The following BCKDHB variants were observed in gnomAD, a reference collection of about 807,000 sequenced individuals.
BCKDHB encodes 2-oxoisovalerate dehydrogenase subunit beta, mitochondrial.
BCKDHB carries 41 observed loss-of-function variants against 48.5 expected under a neutral mutation model. The ratio of observed to expected loss-of-function variants is 0.85; its 90% CI spans 0.66 to 1.10. The LOEUF is 1.10. Ranked by LOEUF, BCKDHB falls within the 50% of genes least tolerant of loss-of-function variation. The pLI, the probability that BCKDHB is intolerant of heterozygous loss-of-function variation, is 0.00. For synonymous variants in BCKDHB, 201 were observed against 174.8 expected (o/e 1.15, Z -1.18); for missense variants, 496 against 494.2 (o/e 1.00, Z -0.03).
intron 3 of BCKDHB, among the ~76,000 whole-genome samples, chr6:80,129,579 T>C (rs983922530): frequency 1.3e-5 from 2 of 152,218 alleles, no homozygotes; most frequent in South Asian, 2.1e-4. Context: ...ATTCTGCCTG[T>C]TGGGTCTTTA....
the BCKDHB span, among the ~76,000 whole-genome samples, chr6:80,383,136 A>G: frequency 6.6e-6 from 1 of 152,188 alleles, no homozygotes; most frequent in African/African-American, 2.4e-5. Context: ...ATGTAAAGGC[A>G]AGTTTTAGCC....
At chr6:80,138,274 A>G (rs936836275) in intron 3 of BCKDHB, among the ~76,000 whole-genome samples, 3 of 139,198 alleles carry the variant, frequency 2.2e-5, no homozygotes, top group African/African-American at 7.3e-5. Context: ...ATGTAAAAAC[A>G]TAAAAATAAG....
At chr6:80,378,059 T>C in the BCKDHB span, among the ~76,000 whole-genome samples, 1 of 145,870 alleles carries the variant, frequency 6.9e-6, no homozygotes, top group Non-Finnish European at 1.6e-5. Flanking sequence ...TACTGCAAAA[T>C]TTTTTCTTTT....
chr6:80,111,221 G>T (rs548035336), intron 1 of BCKDHB, among the ~76,000 whole-genome samples: 7 of 152,306 alleles, frequency 4.6e-5, no homozygotes, highest in African/African-American at 1.4e-4. Context: ...AACTGAATTT[G>T]TATTGAAAAG....
chr6:80,346,566 T>C (rs1222722031), downstream of BCKDHB, among the ~76,000 whole-genome samples: 1 of 152,138 alleles, frequency 6.6e-6, no homozygotes, highest in African/African-American at 2.4e-5. Context: ...TCCTACTGCC[T>C]CTCTTCCGTG....
At chr6:80,268,925 T>A (rs1383682909) in intron 8 of BCKDHB, among the ~76,000 whole-genome samples, 7 of 152,156 alleles carry the variant, frequency 4.6e-5, no homozygotes, top group South Asian at 2.1e-4. Context: ...ACATGCTACT[T>A]CATAATTAAA....
At chr6:80,383,950 C>T in the BCKDHB span, among the ~76,000 whole-genome samples, 1 of 151,972 alleles carries the variant, frequency 6.6e-6, no homozygotes, top group South Asian at 2.1e-4. Flanking sequence ...ATTTTATCTG[C>T]CAATACTTTT....
chr6:80,227,050 A>G (rs1775710467), intron 8 of BCKDHB, among the ~76,000 whole-genome samples: 3 of 152,260 alleles, frequency 2.0e-5, no homozygotes, highest in South Asian at 2.1e-4. Flanking sequence ...GGTAAACAAG[A>G]GTTTCTTGAG....
At chr6:80,444,512 A>C in the BCKDHB span, among the ~76,000 whole-genome samples, 1 of 152,210 alleles carries the variant, frequency 6.6e-6, no homozygotes, top group Admixed American at 6.5e-5. Flanking sequence ...AGTCTATTTA[A>C]AATGATTTTA....
the BCKDHB span, among the ~76,000 whole-genome samples, chr6:80,365,671 A>G: frequency 2.6e-5 from 4 of 152,182 alleles, no homozygotes; most frequent in South Asian, 8.3e-4. Context: ...TTTACAATCA[A>G]TTTGTACAGT....
At chr6:80,144,588 A>G (rs1456754449) in intron 3 of BCKDHB, among the ~76,000 whole-genome samples, 1 of 152,114 alleles carries the variant, frequency 6.6e-6, no homozygotes, top group African/African-American at 2.4e-5. Flanking sequence ...GATATCTCTT[A>G]GACACTTGTA....
chr6:80,425,728 A>G, the BCKDHB span, among the ~76,000 whole-genome samples: 1 of 152,172 alleles, frequency 6.6e-6, no homozygotes, highest in Admixed American at 6.6e-5. Flanking sequence ...TCATGATAGT[A>G]TACTTTTCTT....
rs573090200 is a variant in BCKDHB, at chr6:80,275,800, A to G, written c.1038+2579A>G. ...ATATCCTGTATTGAGCTTCCTCTCTATGGAAAGCCTTGTTCCATATTATAA... is the reference window on the plus strand; with the variant it reads ...ATATCCTGTATTGAGCTTCCTCTCTGTGGAAAGCCTTGTTCCATATTATAA... On this transcript the variant is annotated intron_variant, in intron 9 of 9. Coordinates refer to ENST00000320393, the MANE Select transcript of BCKDHB (RefSeq NM_183050.4). 4.3e-4 allele frequency among the ~76,000 whole-genome samples: 65 copies of G among 152,048 alleles called. 1 individual carries two copies. Among genetic ancestry groups the G allele is most frequent in the African/African-American group, 1.5e-3 (61 of 41,536 alleles).
chr6:80,193,288 T>G (rs745815242), intron 6 of BCKDHB, among the ~76,000 whole-genome samples: 1 of 152,244 alleles, frequency 6.6e-6, no homozygotes, highest in Non-Finnish European at 1.5e-5. Flanking sequence ...GCTGTTCATT[T>G]AAAAATAACA....
chr6:80,193,662 G>A (rs1233999472), intron 6 of BCKDHB, among the ~76,000 whole-genome samples: 1 of 151,056 alleles, frequency 6.6e-6, no homozygotes, highest in Non-Finnish European at 1.5e-5. Context: ...GGAGATTGCA[G>A]TGAGCCGGGA....
chr6:80,306,995 T>A (rs983413322), intron 9 of BCKDHB, among the ~76,000 whole-genome samples: 5 of 152,174 alleles, frequency 3.3e-5, no homozygotes, highest in Non-Finnish European at 7.3e-5. Flanking sequence ...ACCTCCAGCA[T>A]ATCCCAGATA....
chr6:80,414,667 G>T, the BCKDHB span, among the ~76,000 whole-genome samples: 104 of 152,136 alleles, frequency 6.8e-4, 2 homozygotes, highest in Admixed American at 6.5e-4. Context: ...CTGTAGCCTT[G>T]TACAATTTTA....
chr6:80,143,107 C>T (rs960537283), intron 3 of BCKDHB, among the ~76,000 whole-genome samples: 1 of 152,102 alleles, frequency 6.6e-6, no homozygotes, highest in African/African-American at 2.4e-5. Context: ...TGCTTGGATT[C>T]TCCCATCCTG....
chr6:80,316,658 C>T (rs895208193), intron 9 of BCKDHB, among the ~76,000 whole-genome samples: 50 of 152,074 alleles, frequency 3.3e-4, no homozygotes, highest in African/African-American at 1.2e-3. Flanking sequence ...CTTGTGACTT[C>T]TGTTTTCTTT....
Sources: allele counts gnomAD v4.1 joint callset (sites outside exome capture counted in the v4.1 genomes callset), GRCh38; gene constraint gnomAD v4.1.1; transcripts MANE v1.5; gene names NCBI Gene and HGNC (gene_info 2026-07-23, HGNC 2026-07-21).